Variants in SAMD5 observed in about 807,000 individuals in gnomAD.
The protein encoded by SAMD5 is sterile alpha motif domain containing 5.
SAMD5 carries 13 observed loss-of-function variants against 11.3 expected under a neutral mutation model. The ratio of observed to expected loss-of-function variants is 1.15; its 90% CI spans 0.75 to 1.83. The LOEUF is 1.83. Among genes scored for constraint, SAMD5 ranks in the 40% most tolerant of loss-of-function variants. The probability of loss-of-function intolerance (pLI) is 0.00; values close to 1 mark genes in which losing one functional copy is unlikely to be tolerated. For synonymous variants in SAMD5, 129 were observed against 111.3 expected, an observed-to-expected ratio of 1.16 and a Z score of -1.00; for missense variants, 255 against 239.1, an observed-to-expected ratio of 1.07 and a Z score of -0.44.
At chr6:147,931,680 T>A in the SAMD5 span, among the ~76,000 whole-genome samples, 1 of 152,216 alleles carries the variant, frequency 6.6e-6, no homozygotes, top group Admixed American at 6.6e-5. Context: ...TTCATAAAAA[T>A]TTTTGTTGTG....
intron 1 of SAMD5, among the ~76,000 whole-genome samples, chr6:147,712,416 A>C (rs962848675): frequency 2.6e-5 from 4 of 152,232 alleles, no homozygotes; most frequent in Non-Finnish European, 5.9e-5. Flanking sequence ...TACAGATGAG[A>C]AATTAATCCC....
the SAMD5 span, among the ~76,000 whole-genome samples, chr6:147,812,799 A>C: frequency 1.3e-5 from 2 of 152,200 alleles, no homozygotes; most frequent in African/African-American, 4.8e-5. Flanking sequence ...ACAGGGCTTT[A>C]ATTTGATATA....
chr6:147,932,753 T>C, the SAMD5 span, among the ~76,000 whole-genome samples: 1 of 152,012 alleles, frequency 6.6e-6, no homozygotes, highest in Non-Finnish European at 1.5e-5. Flanking sequence ...GTATTTTCCC[T>C]TCACTTTGGT....
At chr6:147,909,638 CTTG>C in the SAMD5 span, among the ~76,000 whole-genome samples, 20 of 83,500 alleles carry the variant, frequency 2.4e-4, no homozygotes, top group African/African-American at 1.0e-3. Context: ...CTTTCTCTTT[CTTG>C]TCTTTTGTAC....
chr6:147,941,545 AAT>A, the SAMD5 span, among the ~76,000 whole-genome samples: 1 of 149,406 alleles, frequency 6.7e-6, no homozygotes, highest in Non-Finnish European at 1.5e-5. Flanking sequence ...ACTGAAATAG[AAT>A]ATGTTTTTTT....
intron 1 of SAMD5, among the ~76,000 whole-genome samples, chr6:147,706,818 C>T (rs1397902844): frequency 6.6e-6 from 1 of 152,160 alleles, no homozygotes; most frequent in Non-Finnish European, 1.5e-5. Flanking sequence ...ATTAATGTTT[C>T]TCTAATTAAT....
the SAMD5 span, among the ~76,000 whole-genome samples, chr6:147,951,456 C>A: frequency 3.3e-5 from 5 of 152,146 alleles, no homozygotes; most frequent in African/African-American, 9.6e-5. Context: ...TCTTTTCTTT[C>A]ATTTCTACCA....
chr6:147,848,793 C>T, the SAMD5 span, among the ~76,000 whole-genome samples: 1 of 152,230 alleles, frequency 6.6e-6, no homozygotes, highest in Admixed American at 6.5e-5. Context: ...TCAGATCAGC[C>T]ACAGCACTTT....
intron 1 of SAMD5, among the ~76,000 whole-genome samples, chr6:147,627,126 TTC>T (rs1790067550): frequency 1.3e-5 from 2 of 152,240 alleles, no homozygotes; most frequent in Non-Finnish European, 2.9e-5. Flanking sequence ...AGAGCTCTCA[TTC>T]CTGGGTGGAA....
intron 1 of SAMD5, among the ~76,000 whole-genome samples, chr6:147,627,863 T>C (rs1242644278): frequency 1.3e-5 from 2 of 152,230 alleles, no homozygotes; most frequent in Non-Finnish European, 2.9e-5. Context: ...AAATACTATT[T>C]ACAGTCCATG....
At chr6:147,616,597 T>C (rs1033846889) in intron 1 of SAMD5, among the ~76,000 whole-genome samples, 1 of 152,170 alleles carries the variant, frequency 6.6e-6, no homozygotes, top group African/African-American at 2.4e-5. Flanking sequence ...GTTCCTTTGT[T>C]TGGAGTGTTA....
At chr6:147,950,828 A>G in the SAMD5 span, among the ~76,000 whole-genome samples, 1 of 152,118 alleles carries the variant, frequency 6.6e-6, no homozygotes, top group African/African-American at 2.4e-5. Flanking sequence ...GCCAAATTTC[A>G]CAATCCTGCC....
downstream of SAMD5, among the ~76,000 whole-genome samples, chr6:147,570,173 G>A (rs1001829545): frequency 6.6e-6 from 1 of 152,212 alleles, no homozygotes; most frequent in African/African-American, 2.4e-5. Flanking sequence ...AGGAAAAAGT[G>A]GGTCTTGCCA....
At chr6:147,662,221 C>T (rs545735570) in intron 1 of SAMD5, among the ~76,000 whole-genome samples, 11 of 152,288 alleles carry the variant, frequency 7.2e-5, no homozygotes, top group African/African-American at 2.4e-4. Flanking sequence ...TGGCCTTATA[C>T]TTCTCAATGA....
rs10691979 is a variant in SAMD5, at chr6:147,551,812, TTATATATA to T, written c.460-12564_460-12557del. Among the ~76,000 whole-genome samples, 222 of 99,446 alleles carry T rather than the reference TTATATATA, an allele frequency of 2.2e-3. 2 individuals carry two copies. The highest frequency in any genetic ancestry group is 4.6e-3 in the Admixed American group (39 of 8,480). The allele number at this position is 99,446 out of a possible 152,430, so 65.2% of individuals were successfully genotyped here. Reference sequence around the variant, plus strand: ...CTTAAATGTGATTCTTATATATATGTTATATATATATATATATATATATATGTATATAT... The same window carrying T: ...CTTAAATGTGATTCTTATATATATGTTATATATATATATATATGTATATAT... On this transcript the variant is annotated intron_variant, in intron 1 of 1. Transcript: ENST00000367474.
rs1266606308 is a variant in SAMD5 at position 147,509,479 on chromosome 6, T to A, written c.459+92T>A. 5.8e-6 allele frequency: 7 copies of A among 1,199,434 alleles called. No individual in the cohort carries two copies. The Admixed American group carries it at 1.3e-4, about 23-fold the overall frequency. The allele number at this position is 1,199,434 out of a possible 1,614,324, so 74.3% of individuals were successfully genotyped here. A position where few individuals can be genotyped will look rare whatever the true frequency, so the allele number is the denominator to read the frequency against. Reference sequence around the variant, plus strand: ...CCAAGGCTTTGCAACCCATTCCAGGTGACGACGGAGAGGCCAGGAGGCTTT... The same window carrying A: ...CCAAGGCTTTGCAACCCATTCCAGGAGACGACGGAGAGGCCAGGAGGCTTT... On this transcript the variant is annotated intron_variant, in intron 1 of 1. Coordinates refer to ENST00000367474, the MANE Select transcript of SAMD5 (RefSeq NM_001030060.3).
At chr6:147,642,743 T>C (rs2128452514) in intron 1 of SAMD5, among the ~76,000 whole-genome samples, 1 of 152,324 alleles carries the variant, frequency 6.6e-6, no homozygotes, top group Middle Eastern at 3.4e-3. Flanking sequence ...AGTCTTACTA[T>C]AAATAATCCC....
the SAMD5 span, among the ~76,000 whole-genome samples, chr6:147,750,679 C>T: frequency 7.9e-5 from 12 of 152,220 alleles, no homozygotes; most frequent in Admixed American, 1.3e-4. Flanking sequence ...AATCCCAGCA[C>T]TTTGGGAGGC....
chr6:147,795,317 T>G, the SAMD5 span, among the ~76,000 whole-genome samples: 1 of 145,348 alleles, frequency 6.9e-6, no homozygotes, highest in Non-Finnish European at 1.5e-5. Flanking sequence ...TATGCGGTGT[T>G]TGGTTTTTTG....
Sources: allele counts gnomAD v4.1 joint callset (sites outside exome capture counted in the v4.1 genomes callset), GRCh38; gene constraint gnomAD v4.1.1; transcripts MANE v1.5; gene names NCBI Gene and HGNC (gene_info 2026-07-23, HGNC 2026-07-21).